Variants in LSAMP observed in about 807,000 individuals in gnomAD.
LSAMP encodes the protein limbic system associated membrane protein, also known as limbic system-associated membrane protein.
Under a neutral mutation model 38.6 loss-of-function variants are expected in LSAMP, and 7 were observed. The ratio of observed to expected loss-of-function variants is 0.18; its 90% CI spans 0.10 to 0.34. The LOEUF (loss-of-function observed/expected upper bound fraction) is 0.34. Ranked by LOEUF, LSAMP falls within the 10% of genes least tolerant of loss-of-function variation. The probability of loss-of-function intolerance (pLI) is 1.00; values close to 1 mark genes in which losing one functional copy is unlikely to be tolerated. For missense variants in LSAMP, 313 were observed against 420.0 expected, an observed-to-expected ratio of 0.75 and a Z score of 2.23; for synonymous variants, 154 against 166.8, an observed-to-expected ratio of 0.92 and a Z score of 0.59.
intron 1 of LSAMP, among the ~76,000 whole-genome samples, chr3:116,271,108 T>C (rs1012534605): frequency 6.6e-6 from 1 of 151,872 alleles, no homozygotes; most frequent in Non-Finnish European, 1.5e-5. Flanking sequence ...CTCTAAAGAG[T>C]TGATGGCCAA....
chr3:116,158,910 G>A (rs919353260), intron 1 of LSAMP, among the ~76,000 whole-genome samples: 5 of 151,644 alleles, frequency 3.3e-5, no homozygotes, highest in Admixed American at 6.6e-5. Context: ...AAGCAAAAAC[G>A]AAACAAAACA....
intron 3 of LSAMP, among the ~76,000 whole-genome samples, chr3:116,019,163 G>C (rs538536399): frequency 1.3e-4 from 17 of 134,286 alleles, no homozygotes; most frequent in African/African-American, 3.7e-4. Context: ...TGGGTGGGGG[G>C]GGGGGGGCTG....
At chr3:116,073,098 G>A (rs1339430025) in intron 2 of LSAMP, among the ~76,000 whole-genome samples, 1 of 152,136 alleles carries the variant, frequency 6.6e-6, no homozygotes, top group Admixed American at 6.6e-5. Context: ...CTTTAAGGAA[G>A]TGGTCCAATT....
chr3:115,883,183 G>T (rs538919496), intron 3 of LSAMP, among the ~76,000 whole-genome samples: 1 of 152,112 alleles, frequency 6.6e-6, no homozygotes, highest in East Asian at 1.9e-4. Flanking sequence ...AAGGCAACGG[G>T]GTAGGCCTGG....
chr3:116,376,289 T>C (rs1224649092), intron 1 of LSAMP, among the ~76,000 whole-genome samples: 1 of 152,060 alleles, frequency 6.6e-6, no homozygotes. Flanking sequence ...TATCTATTTC[T>C]CAAATACAAA....
At chr3:115,872,165 C>T (rs1936058699) in intron 3 of LSAMP, among the ~76,000 whole-genome samples, 1 of 152,050 alleles carries the variant, frequency 6.6e-6, no homozygotes, top group Non-Finnish European at 1.5e-5. Flanking sequence ...TAAAAGGACC[C>T]ACAAGAATGG....
chr3:115,828,149 G>A (rs181301378), intron 6 of LSAMP, among the ~76,000 whole-genome samples: 1 of 152,246 alleles, frequency 6.6e-6, no homozygotes, highest in East Asian at 1.9e-4. Context: ...CTTTTCTTTG[G>A]TTTTGTCTGA....
At chr3:116,064,014 T>C (rs1559728306) in intron 2 of LSAMP, among the ~76,000 whole-genome samples, 1 of 152,216 alleles carries the variant, frequency 6.6e-6, no homozygotes, top group Non-Finnish European at 1.5e-5. Flanking sequence ...CATAGAGTAA[T>C]GAATTAATAG....
chr3:116,092,399 CTG>C (rs1708144098), intron 1 of LSAMP, among the ~76,000 whole-genome samples: 3 of 151,986 alleles, frequency 2.0e-5, no homozygotes, highest in East Asian at 1.9e-4. Flanking sequence ...ATGTGAAAAA[CTG>C]TGAAAAAAAA....
At chr3:116,033,522 G>A (rs1576321468) in intron 2 of LSAMP, among the ~76,000 whole-genome samples, 3 of 152,110 alleles carry the variant, frequency 2.0e-5, no homozygotes, top group East Asian at 1.9e-4. Context: ...TCTCCCCCTC[G>A]TGGCTCCCGG....
intron 1 of LSAMP, among the ~76,000 whole-genome samples, chr3:116,418,273 C>T (rs1325811224): frequency 6.6e-6 from 1 of 152,108 alleles, no homozygotes; most frequent in African/African-American, 2.4e-5. Flanking sequence ...TCTCAGTTGG[C>T]CAGCAAAAAT....
chr3:115,962,685 T>C (rs1390203704), intron 3 of LSAMP, among the ~76,000 whole-genome samples: 1 of 152,226 alleles, frequency 6.6e-6, no homozygotes, highest in Non-Finnish European at 1.5e-5. Context: ...GGTTACTCCT[T>C]GGAAAATTGT....
intron 1 of LSAMP, among the ~76,000 whole-genome samples, chr3:116,225,020 T>C (rs1166275055): frequency 6.6e-6 from 1 of 152,208 alleles, no homozygotes; most frequent in African/African-American, 2.4e-5. Context: ...ATAAGGAATT[T>C]GACAAGAATG....
At chr3:116,295,357 G>A (rs748734121) in intron 1 of LSAMP, among the ~76,000 whole-genome samples, 3 of 152,072 alleles carry the variant, frequency 2.0e-5, no homozygotes, top group East Asian at 1.9e-4. Context: ...TTTCAATATC[G>A]GGTGACATTC....
At chr3:116,256,462 T>C (rs1346776761) in intron 1 of LSAMP, among the ~76,000 whole-genome samples, 1 of 152,226 alleles carries the variant, frequency 6.6e-6, no homozygotes, top group Non-Finnish European at 1.5e-5. Flanking sequence ...CTTTAACTTT[T>C]GATAGTGTGA....
Position 115,869,161 on chromosome 3 carries a change from A to G in LSAMP, c.515-16544T>C, listed in dbSNP as rs566945379. Among the ~76,000 whole-genome samples the G allele has an allele frequency of 3.9e-5, 6 of 152,218 alleles. No homozygotes were observed. The South Asian group carries it at 1.2e-3, about 32-fold the overall frequency. On this transcript the variant is annotated intron_variant, in intron 3 of 6. Transcript: ENST00000490035. ...AGTAAAGAATATGACTGCTGCATAGACCAACTGACAATTGTTCAAACTTTG... is the reference window on the plus strand; with the variant it reads ...AGTAAAGAATATGACTGCTGCATAGGCCAACTGACAATTGTTCAAACTTTG...
intron 3 of LSAMP, among the ~76,000 whole-genome samples, chr3:115,870,982 A>G (rs1292101889): frequency 1.3e-5 from 2 of 152,184 alleles, no homozygotes; most frequent in Admixed American, 6.6e-5. Flanking sequence ...GAGAAAACTC[A>G]TTACATGAAA....
chr3:116,386,890 T>C (rs2048633010), intron 1 of LSAMP, among the ~76,000 whole-genome samples: 1 of 152,118 alleles, frequency 6.6e-6, no homozygotes, highest in Admixed American at 6.5e-5. Context: ...TTTTGATAGA[T>C]GGAGGCTGAA....
chr3:115,960,063 A>G (rs376475387), intron 3 of LSAMP, among the ~76,000 whole-genome samples: 32 of 152,286 alleles, frequency 2.1e-4, no homozygotes, highest in African/African-American at 6.7e-4. Context: ...CCTTACTCTT[A>G]TGAGCTGAAT....
Sources: gnomAD v4.1 joint callset for allele counts (sites outside exome capture counted in the v4.1 genomes callset) on GRCh38, gnomAD v4.1.1 for gene constraint, MANE v1.5 for transcripts, NCBI Gene and HGNC (gene_info 2026-07-23, HGNC 2026-07-21) for gene names.